EEPD1: variants seen among roughly 807,000 people sequenced by gnomAD.
EEPD1 encodes the protein endonuclease/exonuclease/phosphatase family domain-containing protein 1.
EEPD1 carries 17 observed loss-of-function variants against 46.3 expected under a neutral mutation model. That is an observed-to-expected ratio of 0.37 (90% confidence interval 0.25 to 0.55). The LOEUF (loss-of-function observed/expected upper bound fraction) is 0.55, where lower values mean the gene tolerates loss of function less well. Among genes scored for constraint, EEPD1 ranks in the 20% least tolerant of loss-of-function variants. The pLI is 0.83. For missense variants in EEPD1, 673 were observed against 745.6 expected (o/e 0.90, Z 1.13); for synonymous variants, 313 against 315.6 (o/e 0.99, Z 0.09).
intron 2 of EEPD1, among the ~76,000 whole-genome samples, chr7:36,202,531 G>T (rs933029614): frequency 6.6e-6 from 1 of 152,176 alleles, no homozygotes; most frequent in Non-Finnish European, 1.5e-5. Flanking sequence ...TCCAGGCTCT[G>T]CGAGGGTGTC....
intron 2 of EEPD1, among the ~76,000 whole-genome samples, chr7:36,197,314 C>A (rs1244808153): frequency 6.6e-6 from 1 of 150,778 alleles, no homozygotes; most frequent in East Asian, 2.0e-4. Flanking sequence ...CCCGCCCGGC[C>A]AGCCGCCCAG....
intron 2 of EEPD1, among the ~76,000 whole-genome samples, chr7:36,166,706 G>A (rs1784987858): frequency 6.6e-6 from 1 of 152,108 alleles, no homozygotes; most frequent in South Asian, 2.1e-4. Flanking sequence ...AACTGCTGTG[G>A]TATTTTGATT....
At chr7:36,176,505 C>A (rs117525198) in intron 2 of EEPD1, among the ~76,000 whole-genome samples, 1 of 152,180 alleles carries the variant, frequency 6.6e-6, no homozygotes, top group African/African-American at 2.4e-5. Flanking sequence ...GATGCTATGT[C>A]GTAGCGCTAT....
At position 36,194,965 on chromosome 7, in the gene EEPD1, C is replaced by T. The variant is rs142380157; in HGVS notation, c.878+39763C>T. 7.9e-5 allele frequency among the ~76,000 whole-genome samples: 12 copies of T among 152,334 alleles called. 1 individual carries two copies. Among genetic ancestry groups the T allele is most frequent in the Admixed American group, 3.3e-4 (5 of 15,308 alleles). ...ACCAAAATCTTTCTCTTTGCAACTGCGAAATCCTTCCTAATGCCCCAGACA... is the reference window on the plus strand; with the variant it reads ...ACCAAAATCTTTCTCTTTGCAACTGTGAAATCCTTCCTAATGCCCCAGACA... On this transcript the variant is annotated intron_variant, in intron 2 of 7. Coordinates refer to ENST00000242108, the MANE Select transcript of EEPD1 (RefSeq NM_030636.3).
At chr7:36,183,835 C>T (rs1583793534) in intron 2 of EEPD1, among the ~76,000 whole-genome samples, 3 of 147,264 alleles carry the variant, frequency 2.0e-5, no homozygotes, top group African/African-American at 4.9e-5. Context: ...CTCCCTGGGC[C>T]CACAGCCTTT....
At chr7:36,158,044 G>A (rs74942156) in intron 2 of EEPD1, among the ~76,000 whole-genome samples, 135 of 152,222 alleles carry the variant, frequency 8.9e-4, no homozygotes, top group African/African-American at 3.1e-3. Context: ...GTATGCCTTC[G>A]TGCTTTCTAA....
At chr7:36,241,797 G>A (rs1786557612) in intron 3 of EEPD1, among the ~76,000 whole-genome samples, 1 of 152,046 alleles carries the variant, frequency 6.6e-6, no homozygotes. Context: ...GAGTCTGGGA[G>A]GCAGAGGTTG....
chr7:36,272,270 AC>A (rs1787120352), intron 3 of EEPD1, among the ~76,000 whole-genome samples: 1 of 152,142 alleles, frequency 6.6e-6, no homozygotes, highest in Admixed American at 6.5e-5. Flanking sequence ...GCATCCAAAG[AC>A]CTTTGGAGAA....
intron 3 of EEPD1, among the ~76,000 whole-genome samples, chr7:36,258,900 A>C (rs1023776777): frequency 2.5e-4 from 38 of 151,550 alleles, no homozygotes; most frequent in African/African-American, 7.8e-4. Flanking sequence ...AAAAAAAAAA[A>C]AAAACTGCAG....
chr7:36,275,822 A>C (rs1201494948), intron 3 of EEPD1, among the ~76,000 whole-genome samples: 1 of 152,136 alleles, frequency 6.6e-6, no homozygotes, highest in Non-Finnish European at 1.5e-5. Context: ...CTTTTCAGAA[A>C]GAGGGAGGAG....
At chr7:36,250,578 C>T (rs773532441) in intron 3 of EEPD1, among the ~76,000 whole-genome samples, 1 of 152,192 alleles carries the variant, frequency 6.6e-6, no homozygotes, top group African/African-American at 2.4e-5. Context: ...TACACTATAA[C>T]GACAGGTTAA....
intron 2 of EEPD1, among the ~76,000 whole-genome samples, chr7:36,178,608 C>T (rs901345732): frequency 1.3e-5 from 2 of 152,232 alleles, no homozygotes; most frequent in African/African-American, 4.8e-5. Flanking sequence ...TCGTGTGGCT[C>T]TTGGAAAAGC....
intron 3 of EEPD1, among the ~76,000 whole-genome samples, chr7:36,245,416 T>C (rs1786624308): frequency 6.6e-6 from 1 of 152,040 alleles, no homozygotes; most frequent in Non-Finnish European, 1.5e-5. Context: ...TGGGAAGAGG[T>C]GAATGGTGAA....
chr7:36,281,050 C>A, intron 3 of EEPD1, 65 bp from the exon 4 acceptor site: 2 of 1,414,856 alleles, frequency 1.4e-6, no homozygotes, highest in Non-Finnish European at 9.9e-7. Context: ...GCTTCTCAGG[C>A]CGCCGCCAGC....
chr7:36,214,996 G>T (rs1786005104), intron 2 of EEPD1, among the ~76,000 whole-genome samples: 1 of 152,192 alleles, frequency 6.6e-6, no homozygotes, highest in African/African-American at 2.4e-5. Context: ...GAGGTTCTGA[G>T]CCAGTGAGGA....
chr7:36,242,271 G>GAGAA (rs1786566923), intron 3 of EEPD1, among the ~76,000 whole-genome samples: 1 of 152,166 alleles, frequency 6.6e-6, no homozygotes, highest in Non-Finnish European at 1.5e-5. Context: ...TGCTGCCCAT[G>GAGAA]TTCTTTCCTA....
intron 2 of EEPD1, among the ~76,000 whole-genome samples, chr7:36,214,804 C>G (rs565879878): frequency 6.6e-6 from 1 of 152,344 alleles, no homozygotes; most frequent in East Asian, 1.9e-4. Flanking sequence ...TTCTTCCCGC[C>G]GCCTTCTTGG....
In EEPD1 at chr7:36,285,938, G is replaced by A. The variant is rs144245420; in HGVS notation, c.1176+1118G>A. On this transcript the variant is annotated intron_variant, in intron 5 of 7. Coordinates refer to ENST00000242108, the MANE Select transcript of EEPD1 (RefSeq NM_030636.3). ...TTCCTCTGTCTGTGATATTGATGGG[G>A]CTCTGTCTGCACATGTACACCTGGG... 3.7e-3 allele frequency among the ~76,000 whole-genome samples: 563 copies of A among 152,290 alleles called. 5 individuals carry two copies. Among genetic ancestry groups the A allele is most frequent in the African/African-American group, 0.013 (524 of 41,558 alleles).
chr7:36,289,336 G>T (rs914482329), intron 6 of EEPD1, among the ~76,000 whole-genome samples: 6 of 152,066 alleles, frequency 3.9e-5, no homozygotes, highest in Admixed American at 3.3e-4. Context: ...CTCCCCATGC[G>T]CCCCTCCCTG....
Sources: gnomAD v4.1 joint callset for allele counts (sites outside exome capture counted in the v4.1 genomes callset) on GRCh38, gnomAD v4.1.1 for gene constraint, MANE v1.5 for transcripts, NCBI Gene and HGNC (gene_info 2026-07-23, HGNC 2026-07-21) for gene names.